Variants in TXNRD2 observed in about 807,000 individuals in gnomAD.
TXNRD2 encodes thioredoxin reductase 2, mitochondrial.
Under a neutral mutation model 70.8 loss-of-function variants are expected in TXNRD2, and 67 were observed. The observed-to-expected ratio is 0.95, with a 90% confidence interval of 0.78 to 1.16. The LOEUF (loss-of-function observed/expected upper bound fraction) is 1.16, where lower values mean the gene tolerates loss of function less well. TXNRD2 is among the 50% of genes most tolerant of loss of function. The pLI, the probability that TXNRD2 is intolerant of heterozygous loss-of-function variation, is 0.00. For synonymous variants in TXNRD2, 301 were observed against 295.8 expected (o/e 1.02, Z -0.18); for missense variants, 644 against 719.9 (o/e 0.89, Z 1.21).
intron 2 of TXNRD2, among the ~76,000 whole-genome samples, chr22:19,925,037 C>T (rs951725711): frequency 5.1e-4 from 77 of 151,210 alleles, no homozygotes; most frequent in African/African-American, 1.7e-3. Context: ...GTAATCCCAG[C>T]ACTTTGGGAG....
chr22:19,913,631 T>G (rs1940509987), intron 7 of TXNRD2, among the ~76,000 whole-genome samples: 1 of 152,216 alleles, frequency 6.6e-6, no homozygotes, highest in Admixed American at 6.5e-5. Flanking sequence ...GTATGAGATG[T>G]CTGCTGGAGC....
chr22:19,938,456 C>G (rs1375448905), intron 1 of TXNRD2, among the ~76,000 whole-genome samples: 1 of 111,886 alleles, frequency 8.9e-6, no homozygotes, highest in Non-Finnish European at 2.2e-5. Flanking sequence ...CATACACATT[C>G]AAGGAAAAAA....
intron 12 of TXNRD2, 69 bp downstream of exon 12, chr22:19,883,256 G>C: frequency 1.3e-6 from 2 of 1,578,016 alleles, no homozygotes; most frequent in Non-Finnish European, 1.7e-6. Flanking sequence ...GGCAGCAGCC[G>C]GAGCCCAGCG....
chr22:19,899,286 G>A (rs865859905), intron 8 of TXNRD2, among the ~76,000 whole-genome samples: 15 of 152,218 alleles, frequency 9.9e-5, no homozygotes, highest in East Asian at 1.9e-4. Flanking sequence ...GGTGAAGGGC[G>A]TGTGTGTCAG....
chr22:19,877,513 C>A (rs760524556), intron 16 of TXNRD2, among the ~76,000 whole-genome samples: 5 of 152,138 alleles, frequency 3.3e-5, no homozygotes, highest in African/African-American at 1.2e-4. Flanking sequence ...TAGGCACAGT[C>A]CTGCCTTAGG....
intron 1 of TXNRD2, among the ~76,000 whole-genome samples, chr22:19,938,961 C>T (rs995376587): frequency 6.6e-6 from 1 of 152,130 alleles, no homozygotes; most frequent in Admixed American, 6.5e-5. Context: ...CAGCTAAATG[C>T]CATTATACAG....
At chr22:19,918,062 A>C in intron 5 of TXNRD2, 81 bp downstream of exon 5, 1 of 1,217,286 alleles carries the variant, frequency 8.2e-7, no homozygotes, top group Non-Finnish European at 1.2e-6. Flanking sequence ...TGCTCTGCAC[A>C]GTAAGTAAGT....
intron 10 of TXNRD2, 137 bp downstream of exon 10, chr22:19,897,902 C>T (rs2145976088): frequency 1.4e-6 from 1 of 720,644 alleles, no homozygotes; most frequent in East Asian, 2.7e-5. Flanking sequence ...GGACAACCTC[C>T]TCATCCAATT....
chr22:19,880,673 G>A lies in TXNRD2; in HGVS notation c.1131C>T (p.Leu377=), dbSNP rs773930137. 41 of 1,613,264 alleles carry A rather than the reference G, an allele frequency of 2.5e-5. No individual in the cohort carries two copies. The highest frequency in any genetic ancestry group is 3.5e-5 in the Non-Finnish European group (41 of 1,180,038). ...LTPIAIMAGR[L]LVQRLFGGSS... Reference sequence around the variant, plus strand: ...ACCCGCCGAAGAGCCGCTGCACCAGGAGCCTCCCGGCCATGATCGCTATGG... The same window carrying A: ...ACCCGCCGAAGAGCCGCTGCACCAGAAGCCTCCCGGCCATGATCGCTATGG... The change falls in exon 13 of 18, where the codon CTC becomes CTT. Residue 377 remains leucine, a synonymous_variant. Transcript: ENST00000400521.
At chr22:19,878,473 G>C (rs771072903) in intron 14 of TXNRD2, 36 bp from the exon 15 acceptor site, 48 of 1,597,916 alleles carry the variant, frequency 3.0e-5, no homozygotes, top group Non-Finnish European at 3.9e-5. Flanking sequence ...TCAGTGCTGC[G>C]ACAAACAAAC....
Position 19,894,406 on chromosome 22 carries a change from T to A in TXNRD2, c.949+1001A>T, listed in dbSNP as rs1211564958. 3 of 152,632 alleles carry A rather than the reference T, an allele frequency of 2.0e-5. No homozygotes were observed. The East Asian group carries it at 5.8e-4, about 29-fold the overall frequency. 9.5% of individuals were successfully genotyped at this position (152,632 alleles called of 1,614,324 possible). A position where few individuals can be genotyped will look rare whatever the true frequency, so the allele number is the denominator to read the frequency against. ...AAAATGCTTAAGATGATGAATTTGA[T>A]GTTATGTGTATGTCACCATAATTTT... On this transcript the variant is annotated intron_variant, in intron 11 of 17. Coordinates refer to ENST00000400521, the MANE Select transcript of TXNRD2 (RefSeq NM_006440.5).
In TXNRD2 at chr22:19,880,713, C is replaced by A. The variant is rs199734322; in HGVS notation, c.1091G>T (p.Arg364Leu). 6.2e-7 allele frequency: 1 copy of A among 1,609,380 alleles called. No individual in the cohort carries two copies. The highest frequency in any genetic ancestry group is 8.5e-7 in the Non-Finnish European group (1 of 1,179,082). The change falls in exon 13 of 18, where the codon CGG becomes CTG. Residue 364 changes from arginine (R) to leucine (L), a missense_variant. Arg to Leu is a moderately radical substitution (Grantham distance 102, BLOSUM62 -2). Coordinates refer to ENST00000400521, the MANE Select transcript of TXNRD2 (RefSeq NM_006440.5). ...GATCGCTATGGGTGTCAGCTCAGGC[C>A]GCCCCTTGGGGAAGGCACAGGGGGG... ...IYAIGDVVEG[R>L]PELTPIAIMA... is the part of the protein sequence containing the mutation.
At chr22:19,914,043 G>A (rs1425142911) in intron 7 of TXNRD2, among the ~76,000 whole-genome samples, 2 of 152,180 alleles carry the variant, frequency 1.3e-5, no homozygotes, top group East Asian at 3.8e-4. Context: ...GGTTTCCAAA[G>A]TTATCGCATT....
intron 14 of TXNRD2, 82 bp from the exon 15 acceptor site, chr22:19,878,519 C>T: frequency 7.9e-7 from 1 of 1,265,556 alleles, no homozygotes; most frequent in South Asian, 1.2e-5. Context: ...GCTGCATGGG[C>T]AAGGCAGGGT....
intron 11 of TXNRD2, chr22:19,884,432 C>A (rs1938931447): frequency 6.6e-6 from 1 of 152,218 alleles, no homozygotes; most frequent in African/African-American, 2.4e-5. Flanking sequence ...CATGCCCAGG[C>A]CTCAGGCCCT....
chr22:19,878,463 T>G (rs1262908376), intron 14 of TXNRD2, 26 bp from the exon 15 acceptor site: 1 of 1,609,962 alleles, frequency 6.2e-7, no homozygotes, highest in Non-Finnish European at 8.5e-7. Context: ...CAACCCTGGA[T>G]CAGTGCTGCG....
intron 2 of TXNRD2, among the ~76,000 whole-genome samples, chr22:19,920,607 A>G (rs1377864069): frequency 5.3e-5 from 8 of 151,952 alleles, no homozygotes; most frequent in South Asian, 2.1e-4. Context: ...GAAAAAAAAA[A>G]AAAAACATTA....
At chr22:19,906,155 A>T (rs1316767389) in intron 8 of TXNRD2, among the ~76,000 whole-genome samples, 1 of 152,134 alleles carries the variant, frequency 6.6e-6, no homozygotes, top group Non-Finnish European at 1.5e-5. Context: ...GAAAAGCCAG[A>T]CGTGAAAGTG....
intron 2 of TXNRD2, among the ~76,000 whole-genome samples, chr22:19,925,081 G>T (rs769450330): frequency 1.3e-5 from 2 of 151,006 alleles, no homozygotes; most frequent in Admixed American, 1.3e-4. Context: ...TCAGGAGATC[G>T]AGACCATCCT....
Sources: allele counts gnomAD v4.1 joint callset (sites outside exome capture counted in the v4.1 genomes callset), GRCh38; gene constraint gnomAD v4.1.1; transcripts MANE v1.5; gene names NCBI Gene and HGNC (gene_info 2026-07-23, HGNC 2026-07-21).